The following ZMIZ1 variants were observed in gnomAD, a reference collection of about 807,000 sequenced individuals.
ZMIZ1 encodes zinc finger MIZ-type containing 1.
ZMIZ1 carries 17 observed loss-of-function variants against 113.9 expected under a neutral mutation model. The observed-to-expected ratio is 0.15, with a 90% CI of 0.10 to 0.22. The LOEUF is 0.22. ZMIZ1 is among the 10% of genes least tolerant of loss of function. ZMIZ1 has a pLI of 1.00. For synonymous variants in ZMIZ1, 607 were observed against 603.1 expected (o/e 1.01, Z -0.09); for missense variants, 1,059 against 1,477.8 (o/e 0.72, Z 4.65).
rs746887837 is a variant in ZMIZ1 at position 79,307,504 on chromosome 10, A to AC, written c.2774dup (p.Asp926GlyfsTer28). The AC allele has an allele frequency of 7.8e-7, 1 of 1,287,630 alleles. No homozygotes were observed. The highest frequency in any genetic ancestry group is 1.0e-6 in the Non-Finnish European group (1 of 979,080). The allele number at this position is 1,287,630 out of a possible 1,614,324, so 79.8% of individuals were successfully genotyped here. The stretch of plus-strand genomic sequence containing the variant: ...ATGCACGGGCCCCCCCAGCTCTCCC[A>AC]CCCCCCGGACATGCCCAACAACATG... On this transcript the variant is annotated frameshift_variant, in exon 23 of 25. Coordinates refer to ENST00000334512, the MANE Select transcript of ZMIZ1 (RefSeq NM_020338.4). LOFTEE classifies it high-confidence loss of function.
chr10:79,120,819 C>T (rs113698865), intron 2 of ZMIZ1, among the ~76,000 whole-genome samples: 2 of 152,200 alleles, frequency 1.3e-5, no homozygotes, highest in Admixed American at 6.5e-5. Flanking sequence ...TGGGTACTCT[C>T]TGAATCATGG....
intron 4 of ZMIZ1, among the ~76,000 whole-genome samples, chr10:79,192,626 C>T (rs1418983163): frequency 6.6e-6 from 1 of 152,164 alleles, no homozygotes; most frequent in Admixed American, 6.5e-5. Context: ...AGTTGTGGTC[C>T]GAATGCAGAA....
At chr10:79,185,955 C>T (rs1255362613) in intron 4 of ZMIZ1, among the ~76,000 whole-genome samples, 2 of 152,018 alleles carry the variant, frequency 1.3e-5, no homozygotes, top group African/African-American at 4.8e-5. Context: ...TAAGGAGTAG[C>T]GAGGAGTCCC....
chr10:79,087,414 C>G (rs1842852550), intron 1 of ZMIZ1, among the ~76,000 whole-genome samples: 1 of 152,208 alleles, frequency 6.6e-6, no homozygotes, highest in Non-Finnish European at 1.5e-5. Flanking sequence ...GTGTCCATGT[C>G]CCCATTCCCC....
chr10:79,116,550 T>G (rs1844038938), intron 1 of ZMIZ1, among the ~76,000 whole-genome samples: 1 of 151,836 alleles, frequency 6.6e-6, no homozygotes, highest in Non-Finnish European at 1.5e-5. Context: ...ATGCAGCCTG[T>G]GGGGGTGCAC....
chr10:79,100,855 C>T (rs1843342585), intron 1 of ZMIZ1, among the ~76,000 whole-genome samples: 1 of 152,160 alleles, frequency 6.6e-6, no homozygotes, highest in East Asian at 1.9e-4. Context: ...CGTGAGGGTG[C>T]CCTTGGCCCT....
At chr10:79,259,100 A>T (rs1454126516) in intron 7 of ZMIZ1, among the ~76,000 whole-genome samples, 1 of 152,084 alleles carries the variant, frequency 6.6e-6, no homozygotes, top group African/African-American at 2.4e-5. Flanking sequence ...TATCTAAATG[A>T]CTGGGCCCAA....
intron 1 of ZMIZ1, among the ~76,000 whole-genome samples, chr10:79,082,995 C>G (rs926223128): frequency 1.3e-5 from 2 of 152,132 alleles, no homozygotes; most frequent in Non-Finnish European, 2.9e-5. Flanking sequence ...ATTCCTTTGT[C>G]AAGTTTATCA....
intron 4 of ZMIZ1, among the ~76,000 whole-genome samples, chr10:79,185,501 T>G (rs370831407): frequency 4.1e-4 from 62 of 150,776 alleles, no homozygotes; most frequent in African/African-American, 1.4e-3. Context: ...GGAAAGGACT[T>G]CTACATCTTT....
intron 7 of ZMIZ1, among the ~76,000 whole-genome samples, chr10:79,254,226 A>T (rs560904844): frequency 6.6e-6 from 1 of 152,164 alleles, no homozygotes; most frequent in African/African-American, 2.4e-5. Context: ...GGCCCAGCAC[A>T]TCTCAGGGTG....
intron 1 of ZMIZ1, among the ~76,000 whole-genome samples, chr10:79,116,320 A>G (rs1844027505): frequency 1.3e-5 from 2 of 151,932 alleles, no homozygotes; most frequent in African/African-American, 4.8e-5. Flanking sequence ...GTGTCACCCA[A>G]CCCTGATAGA....
intron 7 of ZMIZ1, among the ~76,000 whole-genome samples, chr10:79,240,191 C>T (rs535830800): frequency 2.1e-4 from 32 of 152,380 alleles, no homozygotes; most frequent in African/African-American, 7.2e-4. Flanking sequence ...CTTTCTTCTT[C>T]CTTTCTTCTC....
chr10:79,161,052 G>A (rs1846096582), intron 3 of ZMIZ1, among the ~76,000 whole-genome samples: 1 of 152,156 alleles, frequency 6.6e-6, no homozygotes, highest in African/African-American at 2.4e-5. Flanking sequence ...AGGGCTCTGT[G>A]GGCAGTAGGG....
Position 79,316,345 on chromosome 10 carries a change from TTATC to T in ZMIZ1, c.*3599_*3602del, listed in dbSNP as rs1214366160. 1 of 152,796 alleles carries T rather than the reference TTATC, an allele frequency of 6.5e-6. No individual in the cohort carries two copies. The allele number at this position is 152,796 out of a possible 1,614,324, so 9.5% of individuals were successfully genotyped here. ...TAGATGATGTGACAACCTCTAATAT[TTATC>T]TAATAAATATGTATTCAGATGAAAC... On this transcript the variant is annotated 3_prime_UTR_variant, in exon 25 of 25. Coordinates refer to ENST00000334512, the MANE Select transcript of ZMIZ1 (RefSeq NM_020338.4).
intron 4 of ZMIZ1, among the ~76,000 whole-genome samples, chr10:79,164,739 C>T (rs910317649): frequency 6.6e-6 from 1 of 152,178 alleles, no homozygotes; most frequent in African/African-American, 2.4e-5. Flanking sequence ...GTGAGTTCCT[C>T]ATCACTAAAC....
intron 1 of ZMIZ1, among the ~76,000 whole-genome samples, chr10:79,072,576 C>T (rs1425816254): frequency 6.6e-6 from 1 of 152,214 alleles, no homozygotes; most frequent in African/African-American, 2.4e-5. Context: ...TGGCCATGAC[C>T]CTGGCCTCAG....
intron 5 of ZMIZ1, 112 bp from the exon 6 acceptor site, chr10:79,208,224 C>A: frequency 1.2e-6 from 1 of 829,706 alleles, no homozygotes; most frequent in Non-Finnish European, 2.0e-6. Context: ...TTACCCCTTT[C>A]TGTGAACCTC....
chr10:79,119,247 G>T (rs919787834), intron 2 of ZMIZ1, among the ~76,000 whole-genome samples: 1 of 152,176 alleles, frequency 6.6e-6, no homozygotes, highest in Non-Finnish European at 1.5e-5. Context: ...CTGGACATGG[G>T]ATTTTATTCT....
At chr10:79,193,027 C>T (rs1847673321) in intron 4 of ZMIZ1, among the ~76,000 whole-genome samples, 1 of 152,212 alleles carries the variant, frequency 6.6e-6, no homozygotes, top group Admixed American at 6.5e-5. Context: ...CACCACCACC[C>T]TCTTCCTCTG....
Sources: gnomAD v4.1 joint callset for allele counts (sites outside exome capture counted in the v4.1 genomes callset) on GRCh38, gnomAD v4.1.1 for gene constraint, MANE v1.5 for transcripts, NCBI Gene and HGNC (gene_info 2026-07-23, HGNC 2026-07-21) for gene names.